Variants in MPPED2 observed in about 807,000 individuals in gnomAD.
The protein encoded by MPPED2 is metallophosphoesterase domain containing 2.
In MPPED2, 5 loss-of-function variants were observed where a neutral mutation model predicts 33.0. The ratio of observed to expected loss-of-function variants is 0.15; its 90% CI spans 0.08 to 0.32. MPPED2 has a LOEUF of 0.32. MPPED2 is among the 10% of genes least tolerant of loss of function. The pLI is 1.00. For missense variants in MPPED2, 275 were observed against 372.1 expected (o/e 0.74, Z 2.15); for synonymous variants, 136 against 141.9 (o/e 0.96, Z 0.29).
At chr11:30,400,859 C>A (rs1449692022) in intron 6 of MPPED2, among the ~76,000 whole-genome samples, 1 of 152,012 alleles carries the variant, frequency 6.6e-6, no homozygotes, top group Non-Finnish European at 1.5e-5. Flanking sequence ...CTACCAGGCT[C>A]AAGCAATCTT....
intron 4 of MPPED2, among the ~76,000 whole-genome samples, chr11:30,475,807 T>G (rs1386014680): frequency 6.6e-6 from 1 of 152,092 alleles, no homozygotes; most frequent in Non-Finnish European, 1.5e-5. Flanking sequence ...TAGATGTGGG[T>G]TGACTTTTTA....
At chr11:30,512,529 G>A (rs922841034) in intron 3 of MPPED2, among the ~76,000 whole-genome samples, 2 of 152,144 alleles carry the variant, frequency 1.3e-5, no homozygotes, top group African/African-American at 4.8e-5. Context: ...GGGGGAAGGA[G>A]GGAGGGATAA....
chr11:30,398,747 A>C lies in MPPED2; in HGVS notation c.767-9791T>G, dbSNP rs182131498. Among the ~76,000 whole-genome samples, 178 of 152,284 alleles carry C rather than the reference A, an allele frequency of 1.2e-3. 1 individual carries two copies. Among genetic ancestry groups the C allele is most frequent in the African/African-American group, 4.0e-3 (166 of 41,560 alleles). On this transcript the variant is annotated intron_variant, in intron 6 of 6. Transcript: ENST00000448418. The stretch of plus-strand genomic sequence containing the variant: ...TTAAACTTTCCTTAATATCAGAAAA[A>C]AACTCTCTGGAAGTACAAATATGCC...
chr11:30,417,028 T>C (rs1190896954), intron 5 of MPPED2, among the ~76,000 whole-genome samples: 1 of 152,186 alleles, frequency 6.6e-6, no homozygotes, highest in Non-Finnish European at 1.5e-5. Flanking sequence ...CCTCAGCTTA[T>C]AAAAAGGATT....
intron 5 of MPPED2, among the ~76,000 whole-genome samples, chr11:30,417,269 A>C (rs1948408533): frequency 6.6e-6 from 1 of 152,204 alleles, no homozygotes; most frequent in Non-Finnish European, 1.5e-5. Flanking sequence ...AGACTGTGGC[A>C]CACCATACTC....
intron 2 of MPPED2, among the ~76,000 whole-genome samples, chr11:30,536,459 G>C (rs948263448): frequency 4.5e-4 from 69 of 152,294 alleles, no homozygotes; most frequent in African/African-American, 1.6e-3. Flanking sequence ...AACTGATAGA[G>C]TGATTAATGG....
At chr11:30,530,233 G>A (rs1404700630) in intron 3 of MPPED2, among the ~76,000 whole-genome samples, 1 of 152,188 alleles carries the variant, frequency 6.6e-6, no homozygotes, top group African/African-American at 2.4e-5. Flanking sequence ...AAAGAAAAAG[G>A]AAGGGGAGGG....
chr11:30,583,246 C>A lies in MPPED2; in HGVS notation c.-121-2752G>T, dbSNP rs138421336. 9.8e-5 allele frequency among the ~76,000 whole-genome samples: 14 copies of A among 143,250 alleles called. No homozygotes were observed. In the South Asian group the frequency reaches 2.9e-3, roughly 29 times the overall value. 94.0% of individuals were successfully genotyped at this position (143,250 alleles called of 152,430 possible). A position where few individuals can be genotyped will look rare whatever the true frequency, so the allele number is the denominator to read the frequency against. On this transcript the variant is annotated intron_variant, in intron 1 of 6. Transcript: ENST00000358117. ...AATTTGGAGAGAGCTTGAAACAAGA[C>A]AGAAGGATACACTGCTTACAACTAT...
chr11:30,513,824 G>T (rs2134324943), intron 3 of MPPED2, among the ~76,000 whole-genome samples: 1 of 152,250 alleles, frequency 6.6e-6, no homozygotes, highest in African/African-American at 2.4e-5. Context: ...GAAAAGTAAA[G>T]ATTTCAGGAT....
chr11:30,486,354 A>G lies in MPPED2; in HGVS notation c.536+8942T>C, dbSNP rs188465588. ...GTGTTTGTCAAGTAGCCTGAATATA[A>G]CTGGTACAGAATCTACACGACGCTA... is the stretch of plus-strand genomic sequence containing the variant. On this transcript the variant is annotated intron_variant, in intron 4 of 6. Coordinates refer to ENST00000358117, the MANE Select transcript of MPPED2 (RefSeq NM_001584.3). Among the ~76,000 whole-genome samples, 13 of 150,684 alleles carry G rather than the reference A, an allele frequency of 8.6e-5. No individual in the cohort carries two copies. In the East Asian group the frequency reaches 2.6e-3, roughly 30 times the overall value.
Position 30,576,655 on chromosome 11 carries a change from C to T in MPPED2, c.128+3591G>A, listed in dbSNP as rs375817073. The stretch of plus-strand genomic sequence containing the variant: ...TTGGCTCCTTCAGCACCTCCTCCCA[C>T]CATCATTAAAAATACTAAATAATTT... On this transcript the variant is annotated intron_variant, in intron 2 of 6. Transcript: ENST00000358117. 2.0e-5 allele frequency among the ~76,000 whole-genome samples: 3 copies of T among 152,156 alleles called. No homozygotes were observed. In the South Asian group the frequency reaches 6.2e-4, roughly 32 times the overall value.
rs1397097434 is a variant in MPPED2 at position 30,411,272 on chromosome 11, GT to G, written c.*195del. The stretch of plus-strand genomic sequence containing the variant: ...AGAAGTCATTTTACAAATTCACAAT[GT>G]TCCTCTGATTTCAAATGGATGCCCC... On this transcript the variant is annotated 3_prime_UTR_variant, in exon 7 of 7. Transcript: ENST00000358117. The G allele has an allele frequency of 8.1e-7, 1 of 1,229,540 alleles. No homozygotes were observed. Among genetic ancestry groups the G allele is most frequent in the African/African-American group, 1.5e-5 (1 of 65,582 alleles). 76.2% of individuals were successfully genotyped at this position (1,229,540 alleles called of 1,614,324 possible).
At chr11:30,562,053 C>T (rs1187966366) in intron 2 of MPPED2, among the ~76,000 whole-genome samples, 3 of 152,198 alleles carry the variant, frequency 2.0e-5, no homozygotes, top group Non-Finnish European at 2.9e-5. Flanking sequence ...CACCTTTCAT[C>T]TTCATGTCTC....
chr11:30,390,435 G>T (rs1947757028), intron 6 of MPPED2, among the ~76,000 whole-genome samples: 1 of 152,156 alleles, frequency 6.6e-6, no homozygotes, highest in Non-Finnish European at 1.5e-5. Flanking sequence ...AATAGTCTGG[G>T]TATCCACTTA....
At chr11:30,523,902 T>C (rs953957955) in intron 3 of MPPED2, among the ~76,000 whole-genome samples, 1 of 152,072 alleles carries the variant, frequency 6.6e-6, no homozygotes, top group Non-Finnish European at 1.5e-5. Context: ...GATGATTAAG[T>C]ACAAAAGTTC....
chr11:30,461,379 A>G (rs1950512517), intron 4 of MPPED2, among the ~76,000 whole-genome samples: 2 of 152,160 alleles, frequency 1.3e-5, no homozygotes, highest in African/African-American at 4.8e-5. Context: ...ATTTTATGTT[A>G]TGTATATTTT....
intron 4 of MPPED2, among the ~76,000 whole-genome samples, chr11:30,463,665 C>T (rs985632528): frequency 6.6e-6 from 1 of 152,146 alleles, no homozygotes; most frequent in Non-Finnish European, 1.5e-5. Flanking sequence ...AAGGAAGAAA[C>T]AGTATCTGGG....
At position 30,563,519 on chromosome 11, in the gene MPPED2, C is replaced by G. The variant is rs180774963; in HGVS notation, c.128+16727G>C. On this transcript the variant is annotated intron_variant, in intron 2 of 6. Transcript: ENST00000358117. ...CAAAAAATGAGAGCTCCCAACAAACCATTCTTAAGGTATTGATAAGTAAGT... is the reference window on the plus strand; with the variant it reads ...CAAAAAATGAGAGCTCCCAACAAACGATTCTTAAGGTATTGATAAGTAAGT... Among the ~76,000 whole-genome samples, 3 of 152,190 alleles carry G rather than the reference C, an allele frequency of 2.0e-5. No individual in the cohort carries two copies. In the East Asian group the frequency reaches 5.8e-4, roughly 30 times the overall value.
At chr11:30,520,592 T>C (rs994094409) in intron 3 of MPPED2, among the ~76,000 whole-genome samples, 2 of 152,186 alleles carry the variant, frequency 1.3e-5, no homozygotes, top group African/African-American at 2.4e-5. Context: ...TTTGATATTG[T>C]CTTATATGTC....
Sources: gnomAD v4.1 joint callset for allele counts (sites outside exome capture counted in the v4.1 genomes callset) on GRCh38, gnomAD v4.1.1 for gene constraint, MANE v1.5 for transcripts, NCBI Gene and HGNC (gene_info 2026-07-23, HGNC 2026-07-21) for gene names.